The following DGLUCY variants were observed in gnomAD, a reference collection of about 807,000 sequenced individuals.
The protein encoded by DGLUCY is D-glutamate cyclase, mitochondrial.
A neutral mutation model predicts 58.5 loss-of-function variants in DGLUCY; 58 were observed. The observed-to-expected ratio is 0.99, with a 90% CI of 0.80 to 1.23. DGLUCY has a LOEUF of 1.23. DGLUCY is among the 50% of genes most tolerant of loss of function. DGLUCY has a pLI of 0.00. For synonymous variants in DGLUCY, 325 were observed against 314.1 expected (o/e 1.03, Z -0.37); for missense variants, 779 against 784.7 (o/e 0.99, Z 0.09).
chr14:91,092,131 G>T (rs964358346), intron 1 of DGLUCY, among the ~76,000 whole-genome samples: 2 of 152,134 alleles, frequency 1.3e-5, no homozygotes, highest in Admixed American at 1.3e-4. Context: ...AGCCTTTCCT[G>T]ATGACTTCAG....
intron 11 of DGLUCY, 44 bp downstream of exon 11, chr14:91,199,949 G>A (rs1247072131): frequency 1.2e-6 from 2 of 1,610,352 alleles, no homozygotes; most frequent in Admixed American, 3.3e-5. Flanking sequence ...GTGGCCCCAT[G>A]AAGTGTCTTT....
chr14:91,090,123 C>G (rs574428229), intron 1 of DGLUCY, among the ~76,000 whole-genome samples: 1 of 152,314 alleles, frequency 6.6e-6, no homozygotes, highest in East Asian at 1.9e-4. Context: ...GCCCTAAAAC[C>G]CATTCCCCTC....
chr14:91,079,092 C>T (rs1047105803), intron 1 of DGLUCY, among the ~76,000 whole-genome samples: 13 of 151,520 alleles, frequency 8.6e-5, no homozygotes, highest in African/African-American at 2.2e-4. Context: ...TTAGTAGAGA[C>T]GGTGTTTCAC....
At chr14:91,187,447 T>A (rs1413272295) in intron 8 of DGLUCY, among the ~76,000 whole-genome samples, 1 of 152,214 alleles carries the variant, frequency 6.6e-6, no homozygotes, top group Non-Finnish European at 1.5e-5. Context: ...TGCTCTGAGA[T>A]GACCTGAATG....
At chr14:91,065,330 G>C (rs1017969219) in intron 1 of DGLUCY, among the ~76,000 whole-genome samples, 2 of 152,140 alleles carry the variant, frequency 1.3e-5, no homozygotes, top group African/African-American at 2.4e-5. Flanking sequence ...ATGAGCGGTT[G>C]GGCAACAACC....
chr14:91,166,537 C>T (rs1393712745), intron 3 of DGLUCY, among the ~76,000 whole-genome samples: 1 of 152,082 alleles, frequency 6.6e-6, no homozygotes, highest in Non-Finnish European at 1.5e-5. Context: ...CAGTGATGCA[C>T]ACCTATAGTC....
At chr14:91,166,902 C>G (rs1185765066) in intron 3 of DGLUCY, among the ~76,000 whole-genome samples, 1 of 152,164 alleles carries the variant, frequency 6.6e-6, no homozygotes, top group Non-Finnish European at 1.5e-5. Context: ...GAGTTCAAGA[C>G]CAGCCTGTCC....
intron 1 of DGLUCY, among the ~76,000 whole-genome samples, chr14:91,089,896 A>C (rs1470960930): frequency 6.6e-6 from 1 of 152,028 alleles, no homozygotes; most frequent in Non-Finnish European, 1.5e-5. Context: ...TATAAAGAAA[A>C]TAATGAAAAG....
At chr14:91,172,038 C>A (rs2048598947) in intron 5 of DGLUCY, among the ~76,000 whole-genome samples, 1 of 151,900 alleles carries the variant, frequency 6.6e-6, no homozygotes, top group African/African-American at 2.4e-5. Context: ...TTTCTTTTCC[C>A]TTCTTCCCTC....
At chr14:91,116,752 T>A (rs1566947313) in intron 1 of DGLUCY, among the ~76,000 whole-genome samples, 1 of 152,182 alleles carries the variant, frequency 6.6e-6, no homozygotes. Flanking sequence ...AAGACCATCC[T>A]GGCCAACATA....
At chr14:91,211,857 G>A (rs2140699516) in intron 12 of DGLUCY, among the ~76,000 whole-genome samples, 1 of 152,344 alleles carries the variant, frequency 6.6e-6, no homozygotes, top group East Asian at 1.9e-4. Context: ...CTGGAGTGCA[G>A]TGGCATGAAC....
chr14:91,179,886 C>CTTTTTTTTT (rs35580984), intron 7 of DGLUCY, among the ~76,000 whole-genome samples: 12 of 75,992 alleles, frequency 1.6e-4, no homozygotes, highest in Non-Finnish European at 2.8e-4. Context: ...ATGCTAAACA[C>CTTTTTTTTT]TTTTTTTTTT....
In DGLUCY at chr14:91,157,924, C is replaced by CT. The variant is rs1348224386; in HGVS notation, c.-30+234_-30+235insT. ...TGGTCTCCTGGCTAAAATGTATTTG[C>CT]AAAACAGCACACAGCTTGCACCTGC... On this transcript the variant is annotated intron_variant, in intron 2 of 13. Coordinates refer to ENST00000256324, the MANE Select transcript of DGLUCY (RefSeq NM_001102368.3). Among the ~76,000 whole-genome samples, 5 of 152,320 alleles carry CT rather than the reference C, an allele frequency of 3.3e-5. No homozygotes were observed. The East Asian group carries it at 9.6e-4, about 29-fold the overall frequency.
chr14:91,161,934 C>T (rs935183024), intron 3 of DGLUCY, among the ~76,000 whole-genome samples: 16 of 151,810 alleles, frequency 1.1e-4, no homozygotes, highest in African/African-American at 2.7e-4. Flanking sequence ...ATACGAGCAG[C>T]GAACACCAGC....
chr14:91,188,764 G>C (rs2049683191), intron 8 of DGLUCY, 146 bp from the exon 9 acceptor site: 1 of 907,588 alleles, frequency 1.1e-6, no homozygotes, highest in African/African-American at 1.7e-5. Context: ...AGGAGTTTGA[G>C]GCTGCAGTGA....
At chr14:91,165,575 A>C (rs2048231507) in intron 3 of DGLUCY, among the ~76,000 whole-genome samples, 1 of 152,200 alleles carries the variant, frequency 6.6e-6, no homozygotes, top group African/African-American at 2.4e-5. Context: ...CAGCTCAGGC[A>C]AGAATCTGCC....
At chr14:91,209,367 A>G (rs1440979352) in intron 12 of DGLUCY, among the ~76,000 whole-genome samples, 6 of 152,202 alleles carry the variant, frequency 3.9e-5, no homozygotes, top group East Asian at 3.9e-4. Context: ...TATTAATCCA[A>G]CTATATCAAT....
At chr14:91,209,694 C>T (rs900289661) in intron 12 of DGLUCY, among the ~76,000 whole-genome samples, 6 of 151,890 alleles carry the variant, frequency 4.0e-5, no homozygotes, top group East Asian at 1.9e-4. Context: ...GGTGAAAGAG[C>T]GAGACTCCAT....
chr14:91,127,745 A>G (rs2045790893), intron 1 of DGLUCY, among the ~76,000 whole-genome samples: 1 of 152,194 alleles, frequency 6.6e-6, no homozygotes, highest in East Asian at 1.9e-4. Flanking sequence ...ATCCTGAAAT[A>G]TGATTTTCTG....
Sources: allele counts gnomAD v4.1 joint callset (sites outside exome capture counted in the v4.1 genomes callset), GRCh38; gene constraint gnomAD v4.1.1; transcripts MANE v1.5; gene names NCBI Gene and HGNC (gene_info 2026-07-23, HGNC 2026-07-21).